SEMA3A: variants seen among roughly 807,000 people sequenced by gnomAD.
The protein encoded by SEMA3A is semaphorin 3A.
SEMA3A carries 29 observed loss-of-function variants against 97.9 expected under a neutral mutation model. The ratio of observed to expected loss-of-function variants is 0.30; its 90% CI spans 0.22 to 0.40. The LOEUF (loss-of-function observed/expected upper bound fraction) is 0.40, where lower values mean the gene tolerates loss of function less well. Among genes scored for constraint, SEMA3A ranks in the 10% least tolerant of loss-of-function variants. SEMA3A has a pLI of 1.00. For missense variants in SEMA3A, 763 were observed against 951.3 expected, an observed-to-expected ratio of 0.80 and a Z score of 2.60; for synonymous variants, 321 against 323.7, an observed-to-expected ratio of 0.99 and a Z score of 0.09.
intron 12 of SEMA3A, among the ~76,000 whole-genome samples, chr7:83,996,729 T>C (rs898725314): frequency 6.6e-6 from 1 of 152,306 alleles, no homozygotes; most frequent in Admixed American, 6.5e-5. Flanking sequence ...ACATAATAAA[T>C]ACAATTGAAG....
chr7:84,461,613 C>T (rs906171435), intron 1 of SEMA3A, among the ~76,000 whole-genome samples: 4 of 152,070 alleles, frequency 2.6e-5, no homozygotes, highest in African/African-American at 9.7e-5. Context: ...GCCATTCCCA[C>T]CTTCCTTTAA....
At chr7:84,079,726 T>G (rs112164595) in intron 4 of SEMA3A, among the ~76,000 whole-genome samples, 55,472 of 87,220 alleles carry the variant, frequency 0.64, 18,953 homozygotes, top group African/African-American at 0.78. Flanking sequence ...AGGATGTGGA[T>G]AAATAGGAAC....
chr7:84,355,441 A>G (rs1802534406), intron 2 of SEMA3A, among the ~76,000 whole-genome samples: 1 of 151,902 alleles, frequency 6.6e-6, no homozygotes, highest in Admixed American at 6.6e-5. Context: ...CACAGGAAAT[A>G]CACAAACACA....
At chr7:84,177,561 T>C (rs753139988) in intron 1 of SEMA3A, among the ~76,000 whole-genome samples, 4 of 152,138 alleles carry the variant, frequency 2.6e-5, no homozygotes, top group Middle Eastern at 6.3e-3. Flanking sequence ...TTTTGTTCCA[T>C]GCATATTTAT....
At chr7:84,203,524 A>AT (rs1253293554) in intron 3 of SEMA3A, among the ~76,000 whole-genome samples, 623 of 42,946 alleles carry the variant, frequency 0.015, 12 homozygotes, top group African/African-American at 0.044. Flanking sequence ...ATATATATAT[A>AT]TATTTTTTTT....
chr7:83,973,904 G>GTT (rs5885388), intron 15 of SEMA3A, among the ~76,000 whole-genome samples: 8,265 of 146,574 alleles, frequency 0.056, 766 homozygotes, highest in African/African-American at 0.19. Flanking sequence ...TGATGGTGTA[G>GTT]TTTTTTTTTT....
intron 1 of SEMA3A, among the ~76,000 whole-genome samples, chr7:84,176,346 G>A (rs1381933917): frequency 1.3e-5 from 2 of 152,098 alleles, no homozygotes; most frequent in African/African-American, 4.8e-5. Flanking sequence ...AGATCAGAGG[G>A]GTGTAAATAT....
chr7:84,306,069 C>T (rs774075760), intron 3 of SEMA3A, among the ~76,000 whole-genome samples: 1 of 151,544 alleles, frequency 6.6e-6, no homozygotes. Context: ...AGGTATATTT[C>T]CCATAAAAGA....
intron 6 of SEMA3A, among the ~76,000 whole-genome samples, chr7:84,036,943 A>G (rs1201013688): frequency 1.3e-5 from 2 of 152,088 alleles, no homozygotes; most frequent in Non-Finnish European, 2.9e-5. Context: ...TTTGGATAGG[A>G]GACTATATGG....
chr7:84,080,897 T>C (rs536552607), intron 4 of SEMA3A, among the ~76,000 whole-genome samples: 249 of 151,968 alleles, frequency 1.6e-3, no homozygotes, highest in Middle Eastern at 0.01. Context: ...TTAAAAAATA[T>C]ACTTTAATCT....
chr7:84,322,281 A>G (rs1801667975), intron 2 of SEMA3A, among the ~76,000 whole-genome samples: 1 of 152,146 alleles, frequency 6.6e-6, no homozygotes, highest in Non-Finnish European at 1.5e-5. Context: ...TAGTGTTGTG[A>G]GAATTAAATG....
At chr7:84,457,642 T>C (rs1371153957) in intron 1 of SEMA3A, among the ~76,000 whole-genome samples, 1 of 152,028 alleles carries the variant, frequency 6.6e-6, no homozygotes, top group African/African-American at 2.4e-5. Context: ...TGTTGCTGTT[T>C]AATCAACTGT....
At chr7:84,269,425 G>A (rs888105020) in intron 3 of SEMA3A, among the ~76,000 whole-genome samples, 2 of 152,014 alleles carry the variant, frequency 1.3e-5, no homozygotes, top group East Asian at 1.9e-4. Flanking sequence ...TGGGAATTAC[G>A]TGAGGTTAGC....
chr7:84,480,494 C>G lies in SEMA3A; in HGVS notation c.-246+11966G>C, dbSNP rs961917444. ...AAAACAGACAAAGATAAATGAGTAC[C>G]AGAAATTCATAGTGAATTTTAATAC... On this transcript the variant is annotated intron_variant, in intron 1 of 3. Coordinates refer to the SEMA3A transcript ENST00000424555. Among the ~76,000 whole-genome samples the G allele has an allele frequency of 2.6e-5, 4 of 152,030 alleles. No homozygotes were observed. The East Asian group carries it at 7.7e-4, about 29-fold the overall frequency.
intron 2 of SEMA3A, among the ~76,000 whole-genome samples, chr7:84,327,555 G>A (rs1398880583): frequency 6.6e-6 from 1 of 151,932 alleles, no homozygotes; most frequent in Non-Finnish European, 1.5e-5. Flanking sequence ...GAGAATGCAT[G>A]AGAGCATGAA....
chr7:84,220,701 G>T (rs1484173855), intron 3 of SEMA3A, among the ~76,000 whole-genome samples: 1 of 152,108 alleles, frequency 6.6e-6, no homozygotes, highest in Non-Finnish European at 1.5e-5. Flanking sequence ...ATAATATGCT[G>T]AAAGGAATCT....
chr7:84,158,258 G>T (rs1415987227), intron 1 of SEMA3A, among the ~76,000 whole-genome samples: 1 of 144,446 alleles, frequency 6.9e-6, no homozygotes, highest in Non-Finnish European at 1.5e-5. Context: ...AGGTTCAAGT[G>T]ATTCTCCCAC....
chr7:84,066,728 C>T (rs1793517252), intron 4 of SEMA3A, among the ~76,000 whole-genome samples: 1 of 151,696 alleles, frequency 6.6e-6, no homozygotes, highest in African/African-American at 2.4e-5. Context: ...TGTGAAGGAC[C>T]TCTTCAAGGA....
At chr7:84,354,956 A>G (rs976981350) in intron 2 of SEMA3A, among the ~76,000 whole-genome samples, 1 of 151,752 alleles carries the variant, frequency 6.6e-6, no homozygotes, top group Admixed American at 6.6e-5. Flanking sequence ...TCATAAAATC[A>G]GTTTTTCTCC....
Sources: allele counts gnomAD v4.1 joint callset (sites outside exome capture counted in the v4.1 genomes callset), GRCh38; gene constraint gnomAD v4.1.1; transcripts MANE v1.5; gene names NCBI Gene and HGNC (gene_info 2026-07-23, HGNC 2026-07-21).